The following GPHN variants were observed in gnomAD, a reference collection of about 807,000 sequenced individuals.
GPHN encodes gephyrin.
A neutral mutation model predicts 95.5 loss-of-function variants in GPHN; 17 were observed. The observed-to-expected ratio is 0.18, with a 90% confidence interval of 0.12 to 0.27. The LOEUF (loss-of-function observed/expected upper bound fraction) is 0.27. Among genes scored for constraint, GPHN ranks in the 10% least tolerant of loss-of-function variants. The probability of loss-of-function intolerance (pLI) is 1.00; values close to 1 mark genes in which losing one functional copy is unlikely to be tolerated. For synonymous variants in GPHN, 320 were observed against 322.5 expected, an observed-to-expected ratio of 0.99 and a Z score of 0.08; for missense variants, 660 against 978.1, an observed-to-expected ratio of 0.67 and a Z score of 4.34.
At chr14:67,555,643 C>T in the GPHN span, among the ~76,000 whole-genome samples, 1 of 152,204 alleles carries the variant, frequency 6.6e-6, no homozygotes, top group Non-Finnish European at 1.5e-5. Flanking sequence ...CCCATGAACT[C>T]AGGATTAGGG....
chr14:67,430,505 A>G, the GPHN span, among the ~76,000 whole-genome samples: 2 of 152,188 alleles, frequency 1.3e-5, no homozygotes, highest in Admixed American at 6.5e-5. Flanking sequence ...ACTTTGCTAT[A>G]AGCCCTCCAT....
At chr14:67,582,392 A>G in the GPHN span, 1 of 1,033,424 alleles carries the variant, frequency 9.7e-7, no homozygotes, top group South Asian at 1.5e-5. The surrounding 1 kb of genome is among the most constrained non-coding windows in gnomAD (Gnocchi z 5.0). Context: ...CACCGCAGAT[A>G]TAGGATGCGT....
At chr14:67,582,224 C>G in the GPHN span, 2 of 1,613,532 alleles carry the variant, frequency 1.2e-6, no homozygotes, top group East Asian at 4.5e-5. This position sits in a 1 kb window ranked among gnomAD's most constrained non-coding sequence, Gnocchi z 5.0. Flanking sequence ...AGGTTCTGTT[C>G]AGGAAGCAGG....
At chr14:66,781,444 C>T in intron 3 of GPHN, among the ~76,000 whole-genome samples, 1 of 152,070 alleles carries the variant, frequency 6.6e-6, no homozygotes, top group Non-Finnish European at 1.5e-5. Context: ...CTCGAACCTC[C>T]TGACCTGAAG....
chr14:67,460,184 T>C, the GPHN span, among the ~76,000 whole-genome samples: 1 of 152,264 alleles, frequency 6.6e-6, no homozygotes, highest in African/African-American at 2.4e-5. Context: ...TAAAGTTCAT[T>C]CAGCAAAAGG....
chr14:67,427,838 T>TCTGGCA, the GPHN span, among the ~76,000 whole-genome samples: 1 of 152,044 alleles, frequency 6.6e-6, no homozygotes, highest in Admixed American at 6.5e-5. Flanking sequence ...TCTAGCATGT[T>TCTGGCA]CTGGCACTGT....
chr14:67,653,344 T>C, the GPHN span: 1 of 1,062,310 alleles, frequency 9.4e-7, no homozygotes, highest in African/African-American at 1.6e-5. Flanking sequence ...ACTGCTGAGG[T>C]GCTTTATGAG....
chr14:67,101,913 C>A (rs1159296150), intron 13 of GPHN, among the ~76,000 whole-genome samples: 2 of 150,656 alleles, frequency 1.3e-5, no homozygotes, highest in Non-Finnish European at 2.9e-5. Flanking sequence ...GCTCTGTTGC[C>A]CAGGCTGGAG....
At chr14:66,943,980 C>A (rs987750424) in intron 8 of GPHN, among the ~76,000 whole-genome samples, 8 of 152,142 alleles carry the variant, frequency 5.3e-5, no homozygotes, top group African/African-American at 1.9e-4. Flanking sequence ...CTTTCCCCTT[C>A]ATGTGTGCAT....
the GPHN span, chr14:67,580,193 C>T: frequency 2.1e-4 from 54 of 259,148 alleles, no homozygotes; most frequent in South Asian, 3.2e-3. Flanking sequence ...ACTGCCTACA[C>T]GTGCCCACTC....
At chr14:67,474,428 C>T in the GPHN span, among the ~76,000 whole-genome samples, 1 of 152,142 alleles carries the variant, frequency 6.6e-6, no homozygotes, top group African/African-American at 2.4e-5. Flanking sequence ...ACCAATCAGC[C>T]CCATTTCTAG....
the GPHN span, chr14:67,381,486 C>G: frequency 1.3e-6 from 1 of 783,560 alleles, no homozygotes; most frequent in South Asian, 1.7e-5. Flanking sequence ...AGGTTGGATT[C>G]AGTATAAGTA....
chr14:66,628,433 G>A (rs1435565903), intron 1 of GPHN, among the ~76,000 whole-genome samples: 1 of 151,934 alleles, frequency 6.6e-6, no homozygotes, highest in Admixed American at 6.6e-5. Context: ...ATAACACAAT[G>A]GCAAATATTT....
the GPHN span, among the ~76,000 whole-genome samples, chr14:67,638,129 CAAGA>C: frequency 6.6e-6 from 1 of 152,198 alleles, no homozygotes; most frequent in South Asian, 2.1e-4. Flanking sequence ...GCTAAACAAA[CAAGA>C]AATAAACTTG....
chr14:67,086,687 C>G (rs1290562178), intron 11 of GPHN, among the ~76,000 whole-genome samples: 1 of 148,792 alleles, frequency 6.7e-6, no homozygotes, highest in African/African-American at 2.5e-5. Flanking sequence ...TCTAGTTTTT[C>G]CATCTTACTT....
At chr14:66,652,508 T>G (rs970724187) in intron 1 of GPHN, among the ~76,000 whole-genome samples, 1 of 142,822 alleles carries the variant, frequency 7.0e-6, no homozygotes, top group Non-Finnish European at 1.5e-5. Context: ...TGCTTATGCT[T>G]CTTTTGTTTT....
intron 1 of GPHN, among the ~76,000 whole-genome samples, chr14:66,635,450 C>G (rs939605910): frequency 6.6e-6 from 1 of 152,028 alleles, no homozygotes; most frequent in Admixed American, 6.5e-5. Context: ...AATAGTTTAA[C>G]TTCATTATTA....
intron 1 of GPHN, among the ~76,000 whole-genome samples, chr14:66,522,231 A>G (rs1041571990): frequency 6.6e-6 from 1 of 152,156 alleles, no homozygotes; most frequent in Admixed American, 6.5e-5. Context: ...CATAATTGAA[A>G]TATTTTACCC....
At chr14:66,529,717 C>T (rs2058834879) in intron 1 of GPHN, among the ~76,000 whole-genome samples, 1 of 152,146 alleles carries the variant, frequency 6.6e-6, no homozygotes, top group African/African-American at 2.4e-5. Flanking sequence ...TTCTAACACT[C>T]AGGCCTCTCT....
Sources: gnomAD v4.1 joint callset for allele counts (sites outside exome capture counted in the v4.1 genomes callset) on GRCh38, gnomAD v4.1.1 for gene constraint, Gnocchi (gnomAD v3.1) non-coding constraint, MANE v1.5 for transcripts, NCBI Gene and HGNC (gene_info 2026-07-23, HGNC 2026-07-21) for gene names.